EXPH5: variants seen among roughly 807,000 people sequenced by gnomAD.
EXPH5 encodes exophilin-5.
Under a neutral mutation model 41.1 loss-of-function variants are expected in EXPH5, and 42 were observed. That is an observed-to-expected ratio of 1.02 (90% confidence interval 0.80 to 1.32). EXPH5 has a LOEUF of 1.32. Ranked by LOEUF, EXPH5 falls within the 40% of genes most tolerant of loss-of-function variation. EXPH5 has a pLI of 0.00. For missense variants in EXPH5, 2,298 were observed against 2,314.5 expected, an observed-to-expected ratio of 0.99 and a Z score of 0.15; for synonymous variants, 798 against 833.5, an observed-to-expected ratio of 0.96 and a Z score of 0.73.
chr11:108,546,826 T>A (rs2093940502), intron 1 of EXPH5, among the ~76,000 whole-genome samples: 1 of 138,272 alleles, frequency 7.2e-6, no homozygotes, highest in African/African-American at 3.3e-5. Flanking sequence ...TTCTATTATT[T>A]TTTTTTTTTT....
At chr11:108,598,294 A>G (rs903283938), upstream of EXPH5, among the ~76,000 whole-genome samples, 3 of 152,218 alleles carry the variant, frequency 2.0e-5, no homozygotes, top group Non-Finnish European at 2.9e-5. Flanking sequence ...CTTCATCTTC[A>G]TCTAAGAAAT....
At position 108,509,661 on chromosome 11, in the gene EXPH5, C is replaced by A. The variant is rs1565764355; in HGVS notation, c.5846G>T (p.Gly1949Val). ...NSPSSQVPED[G>V]LSPSEPLNIY... ...ATTAAGCGGTTCACTTGGAGATAAG[C>A]CATCTTCTGGCACCTGACTACTGGG... The change falls in exon 6 of 6, where the codon GGC (glycine) becomes GTC (valine). Residue 1949 changes from glycine (G) to valine (V), a missense_variant. Transcript: ENST00000265843. 6.2e-7 allele frequency: 1 copy of A among 1,613,946 alleles called. No individual in the cohort carries two copies. Among genetic ancestry groups the A allele is most frequent in the African/African-American group, 1.3e-5 (1 of 74,996 alleles).
intron 1 of EXPH5, among the ~76,000 whole-genome samples, chr11:108,587,591 A>G (rs2094117022): frequency 6.6e-6 from 1 of 152,236 alleles, no homozygotes; most frequent in South Asian, 2.1e-4. Context: ...CAAGGGCAGA[A>G]AAACATTTAG....
intron 1 of EXPH5, among the ~76,000 whole-genome samples, chr11:108,544,500 T>C (rs1225276383): frequency 6.6e-6 from 1 of 152,202 alleles, no homozygotes; most frequent in African/African-American, 2.4e-5. Flanking sequence ...CACAGTTCAC[T>C]TAATCGTACC....
At chr11:108,530,318 G>C (rs1005297520) in intron 3 of EXPH5, among the ~76,000 whole-genome samples, 6 of 152,156 alleles carry the variant, frequency 3.9e-5, no homozygotes, top group Non-Finnish European at 7.4e-5. Context: ...TAGGGACCCT[G>C]TTCTCTGAGA....
intron 1 of EXPH5, among the ~76,000 whole-genome samples, chr11:108,569,438 C>G (rs2094050232): frequency 6.6e-6 from 1 of 150,418 alleles, no homozygotes; most frequent in Admixed American, 6.6e-5. Context: ...CTCCTAGGTT[C>G]AAGCGATTCT....
Position 108,539,029 on chromosome 11 carries a change from C to A in EXPH5, c.438G>T (p.Gln146His). The change falls in exon 3 of 6, where the codon CAG (glutamine) becomes CAT (histidine). Residue 146 changes from glutamine to histidine, a missense_variant. Transcript: ENST00000265843. ...KETSKLPSLGQKGCDGHAGPP... is the reference protein window; with the variant it reads ...KETSKLPSLGHKGCDGHAGPP... ...ATGACCTGAGTTTAACTCACCCTTT[C>A]TGTCCCAGTGATGGAAGCTTTGAAG... 1 of 1,590,802 alleles carries A rather than the reference C, an allele frequency of 6.3e-7. No individual in the cohort carries two copies. The highest frequency in any genetic ancestry group is 1.8e-5 in the Admixed American group (1 of 57,038).
intron 1 of EXPH5, among the ~76,000 whole-genome samples, chr11:108,568,821 T>C (rs2094046753): frequency 6.6e-6 from 1 of 152,168 alleles, no homozygotes; most frequent in Admixed American, 6.5e-5. Flanking sequence ...TCCAAATATT[T>C]ATTAAATCAC....
intron 1 of EXPH5, among the ~76,000 whole-genome samples, chr11:108,585,818 A>G (rs1168997548): frequency 6.6e-6 from 1 of 152,264 alleles, no homozygotes; most frequent in Non-Finnish European, 1.5e-5. Flanking sequence ...TAATATCATC[A>G]AAATGTGTAA....
At position 108,509,903 on chromosome 11, in the gene EXPH5, G is replaced by A. The variant is rs200915742; in HGVS notation, c.5604C>T (p.Ser1868=). The A allele has an allele frequency of 1.3e-4, 206 of 1,606,486 alleles. No homozygotes were observed. Among genetic ancestry groups the A allele is most frequent in the Middle Eastern group, 5.0e-4 (3 of 6,002 alleles). The change falls in exon 6 of 6, where the codon AGC becomes AGT. Residue 1868 remains serine, a synonymous_variant. Transcript: ENST00000265843. ...CAGACCTGGGACCTGTTTTTGTCCC[G>A]CTGCGATAAGCCCAACTTTCATTTC... ...CDGNESWAYR[S]GTKTGPRSAI... is the part of the protein sequence containing the mutation.
At chr11:108,532,624 A>C (rs922713274) in intron 3 of EXPH5, among the ~76,000 whole-genome samples, 7 of 151,900 alleles carry the variant, frequency 4.6e-5, no homozygotes, top group Non-Finnish European at 1.0e-4. Flanking sequence ...CTAGCCAATA[A>C]AAACTTTGTA....
chr11:108,580,655 T>C (rs79286631), intron 1 of EXPH5, among the ~76,000 whole-genome samples: 2,801 of 152,224 alleles, frequency 0.018, 41 homozygotes, highest in Middle Eastern at 0.044. Flanking sequence ...AGAATCAACC[T>C]AGGTATCCAA....
chr11:108,506,755 C>T lies in EXPH5; in HGVS notation c.*2782G>A, dbSNP rs1188309493. On this transcript the variant is annotated 3_prime_UTR_variant, in exon 6 of 6. Coordinates refer to ENST00000265843, the MANE Select transcript of EXPH5 (RefSeq NM_015065.3). ...CCTATAATCCCAGCAGTTTGGGAGG[C>T]TGAGGCAGGCGGATCACCTGAGGTC... 6.6e-6 allele frequency: 1 copy of T among 152,142 alleles called. No individual in the cohort carries two copies. The highest frequency in any genetic ancestry group is 1.5e-5 in the Non-Finnish European group (1 of 68,044). The allele number at this position is 152,142 out of a possible 1,614,324, so 9.4% of individuals were successfully genotyped here. A position where few individuals can be genotyped will look rare whatever the true frequency, so the allele number is the denominator to read the frequency against.
At chr11:108,582,862 T>C (rs2094102795) in intron 1 of EXPH5, among the ~76,000 whole-genome samples, 1 of 152,206 alleles carries the variant, frequency 6.6e-6, no homozygotes, top group African/African-American at 2.4e-5. Context: ...TTGTCTGTCT[T>C]TGTGTCCAAA....
intron 3 of EXPH5, chr11:108,538,057 G>A: frequency 1.0e-6 from 1 of 985,384 alleles, no homozygotes; most frequent in Non-Finnish European, 1.2e-6. Flanking sequence ...GACAAAAACA[G>A]CCTCGGGTGA....
chr11:108,587,609 T>C (rs117320965), intron 1 of EXPH5, among the ~76,000 whole-genome samples: 1 of 152,162 alleles, frequency 6.6e-6, no homozygotes, highest in South Asian at 2.1e-4. Context: ...TAGACATTTT[T>C]AAAAAGAAAT....
rs1274151272 is a variant in EXPH5 at position 108,511,226 on chromosome 11, A to T, written c.4281T>A (p.Leu1427=). ...INSSNSGPSS[L]PALSEVNIGN... is the part of the protein sequence containing the mutation. ...CAATATTAACTTCTGAAAGAGCTGG[A>T]AGACTAGAGGGACCACTGTTACTTG... The change falls in exon 6 of 6, where the codon CTT becomes CTA. Residue 1427 remains leucine, a synonymous_variant. Coordinates refer to ENST00000265843, the MANE Select transcript of EXPH5 (RefSeq NM_015065.3). 1.2e-6 allele frequency: 2 copies of T among 1,612,110 alleles called. No homozygotes were observed. Among genetic ancestry groups the T allele is most frequent in the East Asian group, 2.2e-5 (1 of 44,896 alleles).
upstream of EXPH5, chr11:108,593,837 G>T: frequency 2.5e-6 from 3 of 1,202,004 alleles, no homozygotes; most frequent in South Asian, 2.6e-5. Context: ...CCCCTCCCTC[G>T]TCCCCTCCCT....
At position 108,593,563 on chromosome 11, in the gene EXPH5, T is replaced by C; in HGVS notation, c.-27A>G. ...TTCTTTACTGTGTGTGAGTTACACT[T>C]AAGCTCCTTGGCGCCTCCTGTTAGG... On this transcript the variant is annotated 5_prime_UTR_variant, in exon 1 of 6. Transcript: ENST00000265843. The C allele has an allele frequency of 1.2e-6, 2 of 1,614,014 alleles. No homozygotes were observed. Among genetic ancestry groups the C allele is most frequent in the Non-Finnish European group, 1.7e-6 (2 of 1,179,958 alleles).
Sources: gnomAD v4.1 joint callset for allele counts (sites outside exome capture counted in the v4.1 genomes callset) on GRCh38, gnomAD v4.1.1 for gene constraint, MANE v1.5 for transcripts, NCBI Gene and HGNC (gene_info 2026-07-23, HGNC 2026-07-21) for gene names.